The following FANCM variants were observed in gnomAD, a reference collection of about 807,000 sequenced individuals.
The protein encoded by FANCM is Fanconi anemia group M protein.
Under a neutral mutation model 199.5 loss-of-function variants are expected in FANCM, and 140 were observed. The ratio of observed to expected loss-of-function variants is 0.70; its 90% CI spans 0.61 to 0.81. The LOEUF (loss-of-function observed/expected upper bound fraction) is 0.81. FANCM is among the 30% of genes least tolerant of loss of function. The pLI is 0.00. For missense variants in FANCM, 2,410 were observed against 2,421.4 expected, an observed-to-expected ratio of 1.00 and a Z score of 0.10; for synonymous variants, 840 against 836.8, an observed-to-expected ratio of 1.00 and a Z score of -0.07.
At chr14:45,150,722 A>C (rs958883435) in intron 4 of FANCM, among the ~76,000 whole-genome samples, 1 of 152,158 alleles carries the variant, frequency 6.6e-6, no homozygotes, top group African/African-American at 2.4e-5. Flanking sequence ...CCTCTCAAAG[A>C]CTCTACAGCA....
At chr14:45,186,207 A>G (rs534839262) in intron 18 of FANCM, among the ~76,000 whole-genome samples, 4 of 152,308 alleles carry the variant, frequency 2.6e-5, no homozygotes, top group Non-Finnish European at 5.9e-5. Flanking sequence ...CTGTTATTTT[A>G]AATAAGGCAG....
In FANCM at chr14:45,199,846, G is replaced by A. The variant is rs1566794080; in HGVS notation, c.6009-24G>A. The A allele has an allele frequency of 1.9e-6, 3 of 1,607,910 alleles. No individual in the cohort carries two copies. In the Middle Eastern group the frequency reaches 5.0e-4, roughly 268 times the overall value. ...TAAAAGCCAAAAGTCCTAGTGTAAT[G>A]ATTTTGTCTCATTTATTTTTCAGCT... On this transcript the variant is annotated intron_variant, in intron 22 of 22. Coordinates refer to ENST00000267430, the MANE Select transcript of FANCM (RefSeq NM_020937.4).
intron 4 of FANCM, 123 bp downstream of exon 4, chr14:45,149,118 A>C: frequency 1.1e-6 from 1 of 894,350 alleles, no homozygotes; most frequent in East Asian, 2.7e-5. Flanking sequence ...TATGTTGAAA[A>C]AATTCTTTGA....
intron 3 of FANCM, among the ~76,000 whole-genome samples, chr14:45,148,296 T>C (rs1004216068): frequency 2.0e-5 from 3 of 151,974 alleles, no homozygotes; most frequent in Admixed American, 6.6e-5. Flanking sequence ...TTTTTAATTG[T>C]TAATCGCACT....
chr14:45,181,747 TG>T, intron 16 of FANCM, 42 bp downstream of exon 16: 1 of 1,312,694 alleles, frequency 7.6e-7, no homozygotes, highest in Admixed American at 1.7e-5. Flanking sequence ...CAAATTCCTT[TG>T]GAATAAAAAT....
chr14:45,170,806 C>G, intron 12 of FANCM, 60 bp downstream of exon 12: 2 of 1,350,272 alleles, frequency 1.5e-6, no homozygotes, highest in Non-Finnish European at 2.1e-6. Flanking sequence ...GCCAGAACCC[C>G]TCAGATGTTC....
At chr14:45,161,017 A>G (rs1323864353) in intron 9 of FANCM, among the ~76,000 whole-genome samples, 1 of 152,172 alleles carries the variant, frequency 6.6e-6, no homozygotes, top group Non-Finnish European at 1.5e-5. Context: ...ACATATATGT[A>G]TGAATGAAAA....
At chr14:45,158,581 G>T (rs1264014575) in intron 8 of FANCM, among the ~76,000 whole-genome samples, 1 of 152,160 alleles carries the variant, frequency 6.6e-6, no homozygotes, top group Non-Finnish European at 1.5e-5. Context: ...TTAGTGAACA[G>T]AAAGGAAAGG....
Position 45,136,393 on chromosome 14 carries a change from C to T in FANCM, c.362C>T (p.Ala121Val), listed in dbSNP as rs899740775. 2.5e-6 allele frequency: 4 copies of T among 1,614,168 alleles called. No homozygotes were observed. Among genetic ancestry groups the T allele is most frequent in the Non-Finnish European group, 1.7e-6 (2 of 1,180,032 alleles). Residue 121 changes from alanine (A) to valine (V), a missense_variant, in exon 1 of 23, where the codon GCC becomes GTC. Ala to Val is a moderately conservative substitution (Grantham distance 64). Transcript: ENST00000267430. ...LPTGLGKTFI[A>V]AVVMYNFYRW... The stretch of plus-strand genomic sequence containing the variant: ...ACCGGACTGGGAAAGACCTTTATTG[C>T]CGCCGTGGTCATGTACAATTTCTAC...
rs143751506 is a variant in FANCM, at chr14:45,147,865, G to C, written c.760-972G>C. On this transcript the variant is annotated intron_variant, in intron 3 of 22. Coordinates refer to ENST00000267430, the MANE Select transcript of FANCM (RefSeq NM_020937.4). Reference sequence around the variant, plus strand: ...CTGAGATAGATTGTGCCATTGCACTGCAGCCTGGGCGACAGAGGGAGGTTC... The same window carrying C: ...CTGAGATAGATTGTGCCATTGCACTCCAGCCTGGGCGACAGAGGGAGGTTC... Among the ~76,000 whole-genome samples the C allele has an allele frequency of 8.1e-3, 1,204 of 147,934 alleles. 16 individuals are homozygous for C. Among genetic ancestry groups the C allele is most frequent in the African/African-American group, 0.029 (1,139 of 39,694 alleles).
At chr14:45,158,183 A>C (rs2139183305) in intron 8 of FANCM, among the ~76,000 whole-genome samples, 1 of 152,284 alleles carries the variant, frequency 6.6e-6, no homozygotes, top group Middle Eastern at 3.4e-3. Context: ...AGGTGACCAA[A>C]CATGACCCTG....
chr14:45,160,965 A>T (rs150656305), intron 9 of FANCM, among the ~76,000 whole-genome samples: 4 of 152,252 alleles, frequency 2.6e-5, no homozygotes, highest in South Asian at 4.1e-4. Context: ...AAGTCAGATT[A>T]TACATATTTT....
rs763035852 is a variant in FANCM, at chr14:45,136,253, G to A, written c.222G>A (p.Gly74=). 4 of 1,614,176 alleles carry A rather than the reference G, an allele frequency of 2.5e-6. No individual in the cohort carries two copies. The highest frequency in any genetic ancestry group is 3.4e-6 in the Non-Finnish European group (4 of 1,180,040). ...AERQLCLENG[G]FCTSAGALWI... ...GGCAGTTGTGTCTAGAGAATGGCGG[G>A]TTCTGCACCTCCGCGGGCGCCCTGT... Residue 74 remains glycine (G), a synonymous_variant, in exon 1 of 23, where the codon GGG becomes GGA. Coordinates refer to ENST00000267430, the MANE Select transcript of FANCM (RefSeq NM_020937.4).
At position 45,184,848 on chromosome 14, in the gene FANCM, A is replaced by G. The variant is rs538404755; in HGVS notation, c.4516-369A>G. 2.0e-5 allele frequency among the ~76,000 whole-genome samples: 3 copies of G among 149,196 alleles called. No homozygotes were observed. In the South Asian group the frequency reaches 6.4e-4, roughly 32 times the overall value. On this transcript the variant is annotated intron_variant, in intron 17 of 22. Coordinates refer to ENST00000267430, the MANE Select transcript of FANCM (RefSeq NM_020937.4). ...GAGTGCAGTGGCACCATCTCAGCTC[A>G]CTGCAACCTTCACCTCCCAGGTTCA...
intron 8 of FANCM, among the ~76,000 whole-genome samples, chr14:45,156,318 T>TG (rs966725514): frequency 2.0e-5 from 3 of 152,188 alleles, no homozygotes; most frequent in African/African-American, 7.2e-5. Context: ...GTGGTATAGA[T>TG]GAGAGGTATG....
chr14:45,176,729 T>C lies in FANCM; in HGVS notation c.3975T>C (p.Tyr1325=). The C allele has an allele frequency of 6.2e-7, 1 of 1,613,430 alleles. No homozygotes were observed. The highest frequency in any genetic ancestry group is 8.5e-7 in the Non-Finnish European group (1 of 1,179,662). ...AKNEELLSPG[Y]SQFSLPVQKK... ...ATGAAGAATTGTTATCTCCTGGTTA[T>C]TCTCAGTTTTCTTTACCAGTGCAAA... The change falls in exon 14 of 23, where the codon TAT becomes TAC. Residue 1325 remains tyrosine, a synonymous_variant. Transcript: ENST00000267430.
Position 45,166,777 on chromosome 14 carries a change from C to CA in FANCM, c.1789-154dup, listed in dbSNP as rs781175707. Among the ~76,000 whole-genome samples, 2,176 of 74,232 alleles carry CA rather than the reference C, an allele frequency of 0.029. 51 individuals carry two copies. Among genetic ancestry groups the CA allele is most frequent in the African/African-American group, 0.074 (1,549 of 20,840 alleles). The allele number at this position is 74,232 out of a possible 152,430, so 48.7% of individuals were successfully genotyped here. A position where few individuals can be genotyped will look rare whatever the true frequency, so the allele number is the denominator to read the frequency against. On this transcript the variant is annotated intron_variant, in intron 10 of 22. Coordinates refer to ENST00000267430, the MANE Select transcript of FANCM (RefSeq NM_020937.4). ...TGGATGACAGAGTAAGACCCTGTCTCAAAAAAAAAAAAAAAAAAATTCAAG... is the reference window on the plus strand; with the variant it reads ...TGGATGACAGAGTAAGACCCTGTCTCAAAAAAAAAAAAAAAAAAAATTCAAG...
At position 45,170,447 on chromosome 14, in the gene FANCM, A is replaced by ATTTTTC. The variant is rs1029660034; in HGVS notation, c.2003-142_2003-141insTTTTTC. 6.7e-6 allele frequency: 4 copies of ATTTTTC among 593,792 alleles called. No individual in the cohort carries two copies. The African/African-American group carries it at 7.5e-5, about 11-fold the overall frequency. 36.8% of individuals were successfully genotyped at this position (593,792 alleles called of 1,614,324 possible). On this transcript the variant is annotated intron_variant, in intron 11 of 22. Transcript: ENST00000267430. ...AGGCTGAGGCAGGAGGATTGCTTGA[A>ATTTTTC]CCCAGGAGTTTGAGGTTACAGTGAG... is the stretch of plus-strand genomic sequence containing the variant.
chr14:45,178,695 G>A (rs890039358), intron 14 of FANCM, among the ~76,000 whole-genome samples: 4 of 152,116 alleles, frequency 2.6e-5, no homozygotes, highest in Non-Finnish European at 5.9e-5. Context: ...TTGTTCATCT[G>A]CAAAAAGGAA....
Sources: allele counts gnomAD v4.1 joint callset (sites outside exome capture counted in the v4.1 genomes callset), GRCh38; gene constraint gnomAD v4.1.1; transcripts MANE v1.5; gene names NCBI Gene and HGNC (gene_info 2026-07-23, HGNC 2026-07-21).